FRMD4B: variants seen among roughly 807,000 people sequenced by gnomAD.
FRMD4B encodes the protein FERM domain containing 4B.
A neutral mutation model predicts 141.5 loss-of-function variants in FRMD4B; 74 were observed. The observed-to-expected ratio is 0.52, with a 90% CI of 0.43 to 0.63. FRMD4B has a LOEUF of 0.63. Ranked by LOEUF, FRMD4B falls within the 30% of genes least tolerant of loss-of-function variation. The probability of loss-of-function intolerance (pLI) is 0.00; values close to 1 mark genes in which losing one functional copy is unlikely to be tolerated. For missense variants in FRMD4B, 1,366 were observed against 1,253.4 expected (o/e 1.09, Z -1.36); for synonymous variants, 506 against 467.9 (o/e 1.08, Z -1.05).
chr3:69,252,714 G>A (rs1371091250), intron 5 of FRMD4B, among the ~76,000 whole-genome samples: 3 of 152,152 alleles, frequency 2.0e-5, no homozygotes, highest in Non-Finnish European at 2.9e-5. Flanking sequence ...AAGTGTAAAA[G>A]CTGTTTTGGA....
At chr3:69,447,757 T>G (rs1289452537) in intron 1 of FRMD4B, among the ~76,000 whole-genome samples, 1 of 152,218 alleles carries the variant, frequency 6.6e-6, no homozygotes, top group Admixed American at 6.5e-5. Context: ...CATTACGTAT[T>G]ACTTTTTCTA....
chr3:69,477,813 G>A (rs916666725), intron 1 of FRMD4B, among the ~76,000 whole-genome samples: 17 of 150,050 alleles, frequency 1.1e-4, no homozygotes, highest in Admixed American at 7.9e-4. Flanking sequence ...GTTAGAATTC[G>A]GCTGTGAATC....
In FRMD4B at chr3:69,423,250, G is replaced by A. The variant is rs151311395; in HGVS notation, c.-1+9384C>T. Among the ~76,000 whole-genome samples the A allele has an allele frequency of 6.3e-3, 952 of 152,310 alleles. 10 individuals carry two copies. The highest frequency in any genetic ancestry group is 0.022 in the African/African-American group (902 of 41,566). On this transcript the variant is annotated intron_variant, in intron 2 of 5. Transcript: ENST00000459638. ...TGCAGCCTCAAACTCCTGGGCTCAA[G>A]TGATCCTCCCGCCTTGGCCTCCCAA...
At chr3:69,522,019 G>C (rs1407555754) in intron 1 of FRMD4B, among the ~76,000 whole-genome samples, 3 of 152,144 alleles carry the variant, frequency 2.0e-5, no homozygotes, top group African/African-American at 7.2e-5. Context: ...AAGTTGTGAA[G>C]GCCACACATG....
chr3:69,281,467 C>T (rs1038101080), intron 5 of FRMD4B, among the ~76,000 whole-genome samples: 5 of 152,114 alleles, frequency 3.3e-5, no homozygotes, highest in African/African-American at 9.7e-5. Context: ...CAGCAATACT[C>T]ATTCATTTGT....
At chr3:69,502,904 C>T (rs1292693459) in intron 1 of FRMD4B, among the ~76,000 whole-genome samples, 1 of 152,148 alleles carries the variant, frequency 6.6e-6, no homozygotes, top group East Asian at 1.9e-4. Flanking sequence ...CAAGAGAAGA[C>T]ATTTATGCAG....
chr3:69,405,684 C>G (rs148064911), intron 2 of FRMD4B, among the ~76,000 whole-genome samples: 1 of 152,182 alleles, frequency 6.6e-6, no homozygotes, highest in African/African-American at 2.4e-5. Flanking sequence ...TAAGCCGTGA[C>G]GTTCTAGTTC....
At chr3:69,359,337 C>T (rs906945347) in intron 1 of FRMD4B, among the ~76,000 whole-genome samples, 1 of 152,026 alleles carries the variant, frequency 6.6e-6, no homozygotes, top group Non-Finnish European at 1.5e-5. Context: ...ACCATTTCTG[C>T]CTTGTTCAGG....
intron 10 of FRMD4B, 69 bp from the exon 11 acceptor site, chr3:69,216,418 C>A: frequency 1.0e-5 from 7 of 681,154 alleles, no homozygotes; most frequent in Non-Finnish European, 1.3e-5. Flanking sequence ...TAAAATTTAC[C>A]AATTTCACCT....
rs564670487 is a variant in FRMD4B at position 69,340,741 on chromosome 3, C to A, written c.163-27224G>T. On this transcript the variant is annotated intron_variant, in intron 1 of 22. Coordinates refer to ENST00000398540, the MANE Select transcript of FRMD4B (RefSeq NM_015123.3). The stretch of plus-strand genomic sequence containing the variant: ...TCGAATAGCTTTGGGTTCCATAGCT[C>A]TTATTATGAGTGTTATCGTCTTTTA... Among the ~76,000 whole-genome samples the A allele has an allele frequency of 7.9e-5, 12 of 152,258 alleles. No homozygotes were observed. The East Asian group carries it at 1.4e-3, about 17-fold the overall frequency.
At chr3:69,536,548 G>A (rs761817253) in intron 1 of FRMD4B, 5 of 704,142 alleles carry the variant, frequency 7.1e-6, no homozygotes, top group Admixed American at 6.1e-5. Flanking sequence ...GGGGAATAGG[G>A]GGGATGGTGA....
intron 5 of FRMD4B, among the ~76,000 whole-genome samples, chr3:69,269,916 G>A (rs1323743690): frequency 1.3e-5 from 2 of 152,316 alleles, no homozygotes; most frequent in Middle Eastern, 3.4e-3. Flanking sequence ...CACTGTGCCC[G>A]GCCTCATGTC....
chr3:69,382,601 C>G (rs1246847790), intron 1 of FRMD4B, among the ~76,000 whole-genome samples: 1 of 152,168 alleles, frequency 6.6e-6, no homozygotes, highest in African/African-American at 2.4e-5. Flanking sequence ...CAATTTTTGC[C>G]TCCTTTGGGC....
At chr3:69,306,392 G>C (rs1701392074) in intron 3 of FRMD4B, 1 of 152,230 alleles carries the variant, frequency 6.6e-6, no homozygotes, top group Non-Finnish European at 1.5e-5. Flanking sequence ...AAAAGTCACA[G>C]TTGTGTTGTA....
intron 2 of FRMD4B, among the ~76,000 whole-genome samples, chr3:69,424,894 T>C (rs1705051350): frequency 6.6e-6 from 1 of 152,190 alleles, no homozygotes; most frequent in Non-Finnish European, 1.5e-5. Context: ...AGATGTAATA[T>C]AGAAAAATCA....
chr3:69,359,942 G>T (rs1042705406), intron 1 of FRMD4B, among the ~76,000 whole-genome samples: 1 of 152,208 alleles, frequency 6.6e-6, no homozygotes, highest in East Asian at 1.9e-4. Flanking sequence ...CCAGTTGGGG[G>T]TAGAAGAACA....
At chr3:69,292,207 T>C (rs947233341) in intron 4 of FRMD4B, among the ~76,000 whole-genome samples, 1 of 152,200 alleles carries the variant, frequency 6.6e-6, no homozygotes, top group Non-Finnish European at 1.5e-5. Flanking sequence ...ACTCAGCTTA[T>C]GAATTAAGGG....
chr3:69,188,618 G>A (rs1004374421), intron 18 of FRMD4B, among the ~76,000 whole-genome samples: 7 of 151,652 alleles, frequency 4.6e-5, no homozygotes, highest in Admixed American at 6.6e-5. Context: ...TTAGCCGGGC[G>A]CGGTGGCGGG....
At chr3:69,514,143 T>C (rs1435642527) in intron 1 of FRMD4B, among the ~76,000 whole-genome samples, 1 of 152,168 alleles carries the variant, frequency 6.6e-6, no homozygotes, top group Non-Finnish European at 1.5e-5. Context: ...AAATCTTATA[T>C]GTAGATAAAC....
Sources: allele counts gnomAD v4.1 joint callset (sites outside exome capture counted in the v4.1 genomes callset), GRCh38; gene constraint gnomAD v4.1.1; transcripts MANE v1.5; gene names NCBI Gene and HGNC (gene_info 2026-07-23, HGNC 2026-07-21).